The following ZFC3H1 variants were observed in gnomAD, a reference collection of about 807,000 sequenced individuals.
ZFC3H1 encodes zinc finger C3H1 domain-containing protein.
Under a neutral mutation model 243.7 loss-of-function variants are expected in ZFC3H1, and 71 were observed. That is an observed-to-expected ratio of 0.29 (90% CI 0.24 to 0.36). The LOEUF (loss-of-function observed/expected upper bound fraction) is 0.36, where lower values mean the gene tolerates loss of function less well. Ranked by LOEUF, ZFC3H1 falls within the 10% of genes least tolerant of loss-of-function variation. The probability of loss-of-function intolerance (pLI) is 1.00; values close to 1 mark genes in which losing one functional copy is unlikely to be tolerated. For missense variants in ZFC3H1, 1,966 were observed against 2,317.1 expected (o/e 0.85, Z 3.11); for synonymous variants, 838 against 813.0 (o/e 1.03, Z -0.52).
chr12:71,642,228 T>A (rs1880618215), intron 6 of ZFC3H1, among the ~76,000 whole-genome samples: 5 of 152,330 alleles, frequency 3.3e-5, no homozygotes, highest in African/African-American at 1.2e-4. Flanking sequence ...TTAAAGGCTA[T>A]CTAGAAACAC....
chr12:71,661,605 C>A (rs746214948), intron 1 of ZFC3H1, among the ~76,000 whole-genome samples: 7 of 151,670 alleles, frequency 4.6e-5, no homozygotes, highest in Non-Finnish European at 8.8e-5. Flanking sequence ...CCTCAGCCTC[C>A]CGGGTAGCTG....
chr12:71,621,889 C>T (rs1880039848), intron 24 of ZFC3H1, among the ~76,000 whole-genome samples: 1 of 151,096 alleles, frequency 6.6e-6, no homozygotes, highest in Non-Finnish European at 1.5e-5. Context: ...TTTTCTTGTA[C>T]TTCAGTTACT....
intron 6 of ZFC3H1, among the ~76,000 whole-genome samples, chr12:71,640,167 G>A (rs1402222252): frequency 2.6e-5 from 4 of 152,266 alleles, no homozygotes; most frequent in Admixed American, 6.5e-5. Flanking sequence ...GACTGCAGGG[G>A]TGAGCCACCA....
chr12:71,635,515 C>T lies in ZFC3H1; in HGVS notation c.2166G>A (p.Glu722=), dbSNP rs1372884754. The change falls in exon 10 of 35, where the codon GAG becomes GAA. Residue 722 remains glutamate (E), a synonymous_variant. Transcript: ENST00000378743. ...NDSDDSESDG[E]ASKSTNSVFG... is the part of the protein sequence containing the mutation. ...AAACACTATTTGTTGACTTGGAAGC[C>T]TCTCCATCAGATTCACTATCATCTG... 5 of 1,567,340 alleles carry T rather than the reference C, an allele frequency of 3.2e-6. No individual in the cohort carries two copies. Among genetic ancestry groups the T allele is most frequent in the South Asian group, 2.4e-5 (2 of 82,202 alleles).
At position 71,610,728 on chromosome 12, in the gene ZFC3H1, C is replaced by A; in HGVS notation, c.5799G>T (p.Gln1933His). ...EVHRLYQRALQKLPLCASLWK... is the reference protein window; with the variant it reads ...EVHRLYQRALHKLPLCASLWK... ...ACAGTGATGCACAAAGAGGTAACTT[C>A]TGTAAGGCTCTCTGATATAAACGGT... The change falls in exon 34 of 35, where the codon CAG (glutamine) becomes CAT (histidine). Residue 1933 changes from glutamine to histidine, a missense_variant. Physicochemically the swap from Gln to His is conservative, Grantham distance 24. Coordinates refer to ENST00000378743, the MANE Select transcript of ZFC3H1 (RefSeq NM_144982.5). The A allele has an allele frequency of 6.2e-7, 1 of 1,613,280 alleles. No homozygotes were observed. Among genetic ancestry groups the A allele is most frequent in the Non-Finnish European group, 8.5e-7 (1 of 1,179,582 alleles).
intron 2 of ZFC3H1, 46 bp downstream of exon 2, chr12:71,656,839 T>C (rs1005200923): frequency 1.9e-6 from 3 of 1,540,590 alleles, no homozygotes; most frequent in East Asian, 2.3e-5. Context: ...GTTACTACTT[T>C]AGAGGAAGAA....
chr12:71,623,624 A>T, intron 23 of ZFC3H1, 27 bp from the exon 24 acceptor site: 2 of 1,525,308 alleles, frequency 1.3e-6, no homozygotes, highest in Non-Finnish European at 8.9e-7. Flanking sequence ...ATTTTTTGAT[A>T]AAAAAATTAG....
intron 22 of ZFC3H1, among the ~76,000 whole-genome samples, 165 bp from the exon 23 acceptor site, chr12:71,624,457 A>G (rs1880108732): frequency 6.6e-6 from 1 of 152,148 alleles, no homozygotes; most frequent in Non-Finnish European, 1.5e-5. Flanking sequence ...TACAACCTAG[A>G]CTCCCTCTTC....
chr12:71,632,342 A>G lies in ZFC3H1; in HGVS notation c.2990T>C (p.Ile997Thr). The change falls in exon 15 of 35, where the codon ATC (isoleucine) becomes ACC (threonine). Residue 997 changes from isoleucine to threonine, a missense_variant. By Grantham distance (89) the Ile-to-Thr change is moderately conservative. Transcript: ENST00000378743. ...RALKAKEQQN[I>T]SPVVEEEPEF... ...GGGTTCCTCTTCCACAACTGGAGAG[A>G]TATTTTGTTGTTCCTTTGCTTTAAG... 1.2e-6 allele frequency: 2 copies of G among 1,613,698 alleles called. No individual in the cohort carries two copies. Among genetic ancestry groups the G allele is most frequent in the Non-Finnish European group, 1.7e-6 (2 of 1,179,836 alleles).
intron 18 of ZFC3H1, among the ~76,000 whole-genome samples, chr12:71,629,914 TAAA>T (rs146148589): frequency 1.4e-5 from 2 of 143,872 alleles, no homozygotes; most frequent in African/African-American, 2.6e-5. Flanking sequence ...CATTTGGGAT[TAAA>T]AAAAAAAAAA....
At chr12:71,615,180 A>G (rs1020883563) in intron 28 of ZFC3H1, 26 bp downstream of exon 28, 20 of 1,528,748 alleles carry the variant, frequency 1.3e-5, no homozygotes, top group Middle Eastern at 1.7e-4. Context: ...CTAGTATGCA[A>G]TATCTCTCCA....
Position 71,644,314 on chromosome 12 carries a change from T to C in ZFC3H1, c.1284A>G (p.Lys428=), listed in dbSNP as rs1377555489. 2.5e-6 allele frequency: 4 copies of C among 1,611,512 alleles called. No individual in the cohort carries two copies. The highest frequency in any genetic ancestry group is 3.4e-6 in the Non-Finnish European group (4 of 1,179,572). ...TTGTTTGCTGCTTCCTCAATGCTTGTTTAGCTTTAAATAAAAAACACATAA... is the reference window on the plus strand; with the variant it reads ...TTGTTTGCTGCTTCCTCAATGCTTGCTTAGCTTTAAATAAAAAACACATAA... ...HSAKKVSTTA[K]QALRKQQTKA... is the part of the protein sequence containing the mutation. The change falls in exon 5 of 35, where the codon AAA becomes AAG. Residue 428 remains lysine (K), a synonymous_variant. Coordinates refer to ENST00000378743, the MANE Select transcript of ZFC3H1 (RefSeq NM_144982.5).
At chr12:71,626,539 T>C in intron 21 of ZFC3H1, 93 bp from the exon 22 acceptor site, 5 of 1,128,312 alleles carry the variant, frequency 4.4e-6, no homozygotes, top group Non-Finnish European at 6.0e-6. Flanking sequence ...TAAAATTCCA[T>C]TTTCTACTAG....
chr12:71,632,857 A>G, intron 14 of ZFC3H1, 29 bp downstream of exon 14: 1 of 1,599,500 alleles, frequency 6.3e-7, no homozygotes, highest in South Asian at 1.1e-5. Context: ...CTGCTTTCCA[A>G]AAGTAAAATA....
Position 71,630,944 on chromosome 12 carries a change from A to G in ZFC3H1, c.3481T>C (p.Tyr1161His). Residue 1161 changes from tyrosine (Y) to histidine (H), a missense_variant, in exon 17 of 35, where the codon TAT (tyrosine) becomes CAT (histidine). Coordinates refer to ENST00000378743, the MANE Select transcript of ZFC3H1 (RefSeq NM_144982.5). Reference sequence around the variant, plus strand: ...GGAAGTTTTTCCTTGGTTCGATAATATGGACTAAATCTAAGGTGAAGAGAG... The same window carrying G: ...GGAAGTTTTTCCTTGGTTCGATAATGTGGACTAAATCTAAGGTGAAGAGAG... ...LVFKSYRFSP[Y>H]YRTKEKLPLS... is the part of the protein sequence containing the mutation. 1 of 1,611,156 alleles carries G rather than the reference A, an allele frequency of 6.2e-7. No homozygotes were observed. The highest frequency in any genetic ancestry group is 8.5e-7 in the Non-Finnish European group (1 of 1,177,948).
chr12:71,659,461 A>C (rs1453003048), intron 1 of ZFC3H1, among the ~76,000 whole-genome samples: 1 of 152,114 alleles, frequency 6.6e-6, no homozygotes, highest in East Asian at 1.9e-4. Flanking sequence ...CACCTCTGTG[A>C]AGCCTGAGTT....
At chr12:71,637,999 AT>A (rs1160120940) in intron 7 of ZFC3H1, among the ~76,000 whole-genome samples, 2 of 151,952 alleles carry the variant, frequency 1.3e-5, no homozygotes, top group African/African-American at 4.8e-5. Flanking sequence ...CTTTTGCTGG[AT>A]TTTCAAGTTA....
intron 28 of ZFC3H1, 24 bp downstream of exon 28, chr12:71,615,182 A>C (rs750535429): frequency 1.2e-5 from 19 of 1,537,208 alleles, no homozygotes; most frequent in East Asian, 4.5e-5. Flanking sequence ...AGTATGCAAT[A>C]TCTCTCCACA....
intron 7 of ZFC3H1, among the ~76,000 whole-genome samples, chr12:71,637,299 G>T (rs967880297): frequency 6.6e-6 from 1 of 151,952 alleles, no homozygotes; most frequent in African/African-American, 2.4e-5. Context: ...TTAACTTCAA[G>T]GAAAATTATA....
Sources: gnomAD v4.1 joint callset for allele counts (sites outside exome capture counted in the v4.1 genomes callset) on GRCh38, gnomAD v4.1.1 for gene constraint, MANE v1.5 for transcripts, NCBI Gene and HGNC (gene_info 2026-07-23, HGNC 2026-07-21) for gene names.